AMER1: variants seen among roughly 807,000 people sequenced by gnomAD.
The protein encoded by AMER1 is RP11-403E24.2.
Under a neutral mutation model 53.0 loss-of-function variants are expected in AMER1, and 16 were observed. The ratio of observed to expected loss-of-function variants is 0.30; its 90% CI spans 0.20 to 0.46. The LOEUF is 0.46. Among genes scored for constraint, AMER1 ranks in the 20% least tolerant of loss-of-function variants. The probability of loss-of-function intolerance (pLI) is 1.00; values close to 1 mark genes in which losing one functional copy is unlikely to be tolerated. For synonymous variants in AMER1, 354 were observed against 331.9 expected, an observed-to-expected ratio of 1.07 and a Z score of -0.73; for missense variants, 947 against 884.9, an observed-to-expected ratio of 1.07 and a Z score of -0.89.
In AMER1 at chrX:64,191,339, GCTT is replaced by G. The variant is rs1569191778; in HGVS notation, c.1945_1947del (p.Lys649del). 2 of 1,211,549 alleles carry G rather than the reference GCTT, an allele frequency of 1.7e-6. No homozygotes were observed. The highest frequency in any genetic ancestry group is 5.9e-5 in the East Asian group (2 of 33,778). ...GGCCTCATCTGATACTCTAAGACGG[GCTT>G]CTCCTGCCGGGCCTGGGTCTCTCGG... On this transcript the variant is annotated inframe_deletion, in exon 2 of 2. Transcript: ENST00000374869.
intron 1 of AMER1, among the ~76,000 whole-genome samples, chrX:64,194,162 C>T (rs1331624774): frequency 8.9e-6 from 1 of 111,811 alleles, no homozygotes; most frequent in Non-Finnish European, 1.9e-5. Context: ...CTAAGCCAGA[C>T]CCTCTATTGG....
At chrX:64,201,205 T>A (rs1930481892) in intron 1 of AMER1, among the ~76,000 whole-genome samples, 1 of 110,866 alleles carries the variant, frequency 9.0e-6, no homozygotes, top group Non-Finnish European at 1.9e-5. Context: ...AACATACTCT[T>A]ACTGGGCTAG....
chrX:64,189,486 G>GTA lies in AMER1; in HGVS notation c.*392_*393insTA, dbSNP rs1212144986. ...TGTTTGTGTGTGTGTGTGTATGTATGTGTGTGTGTGTGTGTGTGTGTGTGT... is the reference window on the plus strand; with the variant it reads ...TGTTTGTGTGTGTGTGTGTATGTATGTATGTGTGTGTGTGTGTGTGTGTGTGT... On this transcript the variant is annotated 3_prime_UTR_variant, in exon 2 of 2. Coordinates refer to ENST00000374869, the MANE Select transcript of AMER1 (RefSeq NM_152424.4). 16 of 72,458 alleles carry GTA rather than the reference G, an allele frequency of 2.2e-4. No homozygotes were observed. Among genetic ancestry groups the GTA allele is most frequent in the Non-Finnish European group, 2.8e-4 (16 of 56,628 alleles). The allele number at this position is 72,458 out of a possible 1,213,427, so 6.0% of individuals were successfully genotyped here.
rs200204006 is a variant in AMER1, at chrX:64,190,729, T to C, written c.2558A>G (p.Asn853Ser). The change falls in exon 2 of 2, where the codon AAC becomes AGC. Residue 853 changes from asparagine (N) to serine (S), a missense_variant. Physicochemically the swap from Asn to Ser is conservative, Grantham distance 46. Coordinates refer to ENST00000374869, the MANE Select transcript of AMER1 (RefSeq NM_152424.4). ...LGYYHKHAFN[N>S]YHSRFYQGLP... is the part of the protein sequence containing the mutation. The stretch of plus-strand genomic sequence containing the variant: ...GCCTTGGTAGAATCGACTATGGTAG[T>C]TGTTGAAGGCATGTTTGTGATAGTA... 22 of 1,205,492 alleles carry C rather than the reference T, an allele frequency of 1.8e-5. 1 individual carries two copies. In the East Asian group the frequency reaches 6.2e-4, roughly 34 times the overall value.
Position 64,190,722 on chromosome X carries a change from A to G in AMER1, c.2565T>C (p.His855=). ...YYHKHAFNNY[H]SRFYQGLPWG... ...AGGGCAGGCCTTGGTAGAATCGACTATGGTAGTTGTTGAAGGCATGTTTGT... is the reference window on the plus strand; with the variant it reads ...AGGGCAGGCCTTGGTAGAATCGACTGTGGTAGTTGTTGAAGGCATGTTTGT... Residue 855 remains histidine (H), a synonymous_variant, in exon 2 of 2, where the codon CAT becomes CAC. Coordinates refer to ENST00000374869, the MANE Select transcript of AMER1 (RefSeq NM_152424.4). 8.3e-7 allele frequency: 1 copy of G among 1,207,714 alleles called. No individual in the cohort carries two copies.
At position 64,188,508 on chromosome X, in the gene AMER1, T is replaced by G. The variant is rs28653713; in HGVS notation, c.*1371A>C. ...CTGCAACTGCCAAGAAGCCCTGTCATTTGATGATGCTAAGGACTCGGCTAA... is the reference window on the plus strand; with the variant it reads ...CTGCAACTGCCAAGAAGCCCTGTCAGTTGATGATGCTAAGGACTCGGCTAA... On this transcript the variant is annotated 3_prime_UTR_variant, in exon 2 of 2. Transcript: ENST00000374869. 0.053 allele frequency: 42,238 copies of G among 801,817 alleles called. 10,785 individuals carry two copies. The African/African-American group carries it at 0.79, about 15-fold the overall frequency. 66.1% of individuals were successfully genotyped at this position (801,817 alleles called of 1,213,427 possible).
intron 1 of AMER1, among the ~76,000 whole-genome samples, chrX:64,203,823 C>A (rs1196915593): frequency 9.0e-6 from 1 of 111,671 alleles, no homozygotes; most frequent in African/African-American, 3.3e-5. Context: ...CAGCCCTGGG[C>A]TAGAGATGCC....
intron 1 of AMER1, among the ~76,000 whole-genome samples, chrX:64,197,644 T>A (rs1930401711): frequency 8.9e-6 from 1 of 112,392 alleles, no homozygotes; most frequent in African/African-American, 3.2e-5. Context: ...TTCCAAACAG[T>A]CTTCCTGAAA....
chrX:64,189,598 C>T lies in AMER1; in HGVS notation c.*281G>A. 1.2e-6 allele frequency: 1 copy of T among 834,433 alleles called. No individual in the cohort carries two copies. Among genetic ancestry groups the T allele is most frequent in the East Asian group, 6.4e-5 (1 of 15,559 alleles). The allele number at this position is 834,433 out of a possible 1,213,427, so 68.8% of individuals were successfully genotyped here. ...AACTGGAATAGGCACAAAATTACAG[C>T]ATCCCAAACCCAGCGTGGGTCACAA... On this transcript the variant is annotated 3_prime_UTR_variant, in exon 2 of 2. Coordinates refer to ENST00000374869, the MANE Select transcript of AMER1 (RefSeq NM_152424.4).
At chrX:64,201,811 C>A (rs1419378474) in intron 1 of AMER1, among the ~76,000 whole-genome samples, 1 of 111,910 alleles carries the variant, frequency 8.9e-6, no homozygotes, top group Non-Finnish European at 1.9e-5. Context: ...ACACTATCTA[C>A]GAGTGGAGAT....
chrX:64,186,831 C>T lies in AMER1; in HGVS notation c.*3048G>A. On this transcript the variant is annotated 3_prime_UTR_variant, in exon 2 of 2. Coordinates refer to ENST00000374869, the MANE Select transcript of AMER1 (RefSeq NM_152424.4). ...GCATCCTGGCCCTGGGAGAGGCCTACTAGGTGGCCTTCTCTATCCACATTC... is the reference window on the plus strand; with the variant it reads ...GCATCCTGGCCCTGGGAGAGGCCTATTAGGTGGCCTTCTCTATCCACATTC... The T allele has an allele frequency of 2.6e-6, 2 of 773,271 alleles. No homozygotes were observed. The highest frequency in any genetic ancestry group is 4.5e-5 in the African/African-American group (2 of 44,413). The allele number at this position is 773,271 out of a possible 1,213,427, so 63.7% of individuals were successfully genotyped here. A position where few individuals can be genotyped will look rare whatever the true frequency, so the allele number is the denominator to read the frequency against.
intron 1 of AMER1, among the ~76,000 whole-genome samples, chrX:64,196,619 A>G (rs1930375613): frequency 9.0e-6 from 1 of 111,520 alleles, no homozygotes; most frequent in South Asian, 3.8e-4. Context: ...AGGTGTGTAT[A>G]TCTATACAAA....
chrX:64,195,368 A>G lies in AMER1; in HGVS notation c.-98-1984T>C, dbSNP rs1930343834. On this transcript the variant is annotated intron_variant, in intron 1 of 1. Transcript: ENST00000374869. The stretch of plus-strand genomic sequence containing the variant: ...GTACTGGAGTTGTTTGTGAAATTCT[A>G]TTCCCCTCTGGAATTCAGTGCTTCA... 2.7e-5 allele frequency among the ~76,000 whole-genome samples: 3 copies of G among 112,064 alleles called. No homozygotes were observed. In the Admixed American group the frequency reaches 2.8e-4, roughly 11 times the overall value.
At chrX:64,196,506 G>T (rs144565101) in intron 1 of AMER1, among the ~76,000 whole-genome samples, 2,241 of 112,161 alleles carry the variant, frequency 0.02, 52 homozygotes, top group African/African-American at 0.068. Context: ...CTGACCATGT[G>T]TTAAAGGCTG....
At chrX:64,196,491 A>G (rs1315725618) in intron 1 of AMER1, among the ~76,000 whole-genome samples, 1 of 112,287 alleles carries the variant, frequency 8.9e-6, no homozygotes, top group African/African-American at 3.2e-5. Flanking sequence ...TTTCTTAGGA[A>G]GCAACTGACC....
intron 1 of AMER1, among the ~76,000 whole-genome samples, chrX:64,198,549 A>G (rs760964780): frequency 1.3e-3 from 140 of 111,969 alleles, no homozygotes; most frequent in African/African-American, 4.3e-3. Context: ...TGTGCAGGCC[A>G]CCAATCAAAG....
At chrX:64,200,677 G>T (rs1276381379) in intron 1 of AMER1, among the ~76,000 whole-genome samples, 1 of 111,293 alleles carries the variant, frequency 9.0e-6, no homozygotes, top group African/African-American at 3.3e-5. Flanking sequence ...ATAGCAGGGG[G>T]CACTGGATTG....
At position 64,190,340 on chromosome X, in the gene AMER1, G is replaced by T; in HGVS notation, c.2947C>A (p.Pro983Thr). The T allele has an allele frequency of 8.3e-7, 1 of 1,211,749 alleles. No homozygotes were observed. The highest frequency in any genetic ancestry group is 1.7e-5 in the African/African-American group (1 of 57,987). ...TGCCTATATGGAGACTGGCTGGAAGGCCTGTCCAACTGGTTGGGGCTTATC... is the reference window on the plus strand; with the variant it reads ...TGCCTATATGGAGACTGGCTGGAAGTCCTGTCCAACTGGTTGGGGCTTATC... ...AWISPNQLDRPSSQSPYRQAT... is the reference protein window; with the variant it reads ...AWISPNQLDRTSSQSPYRQAT... Residue 983 changes from proline to threonine, a missense_variant, in exon 2 of 2, where the codon CCT becomes ACT. By Grantham distance (38) the Pro-to-Thr change is conservative (BLOSUM62 -1). Transcript: ENST00000374869.
rs771513377 is a variant in AMER1 at position 64,192,689 on chromosome X, C to T, written c.598G>A (p.Val200Ile). Reference sequence around the variant, plus strand: ...ACGTGCTCATGAGGCCTGGCTCTGACCCTCTCAGGCCCCTTGGCCCCTGGC... The same window carrying T: ...ACGTGCTCATGAGGCCTGGCTCTGATCCTCTCAGGCCCCTTGGCCCCTGGC... ...SEPGAKGPERVRARPHEHVSS... is the reference protein window; with the variant it reads ...SEPGAKGPERIRARPHEHVSS... Residue 200 changes from valine to isoleucine, a missense_variant, in exon 2 of 2, where the codon GTC (valine) becomes ATC (isoleucine). Coordinates refer to ENST00000374869, the MANE Select transcript of AMER1 (RefSeq NM_152424.4). The T allele has an allele frequency of 9.4e-6, 11 of 1,172,850 alleles. No individual in the cohort carries two copies. Among genetic ancestry groups the T allele is most frequent in the Non-Finnish European group, 1.0e-5 (9 of 877,794 alleles).
Sources: gnomAD v4.1 joint callset for allele counts (sites outside exome capture counted in the v4.1 genomes callset) on GRCh38, gnomAD v4.1.1 for gene constraint, MANE v1.5 for transcripts, NCBI Gene and HGNC (gene_info 2026-07-23, HGNC 2026-07-21) for gene names.